Variants in RASGRF2 observed in about 807,000 individuals in gnomAD.
RASGRF2 encodes ras-specific guanine nucleotide-releasing factor 2.
A neutral mutation model predicts 151.0 loss-of-function variants in RASGRF2; 76 were observed. The observed-to-expected ratio is 0.50, with a 90% CI of 0.42 to 0.61. The LOEUF (loss-of-function observed/expected upper bound fraction) is 0.61. RASGRF2 is among the 20% of genes least tolerant of loss of function. The pLI is 0.00. For synonymous variants in RASGRF2, 504 were observed against 566.5 expected (o/e 0.89, Z 1.57); for missense variants, 1,148 against 1,564.6 (o/e 0.73, Z 4.49).
At position 81,172,744 on chromosome 5, in the gene RASGRF2, C is replaced by T. The variant is rs539035719; in HGVS notation, c.2687-7431C>T. On this transcript the variant is annotated intron_variant, in intron 17 of 26. Coordinates refer to ENST00000265080, the MANE Select transcript of RASGRF2 (RefSeq NM_006909.3). Reference sequence around the variant, plus strand: ...GTCAAATGATGAGTTTATAGAAGGCCTATGATGCAGTTTATGTCAGCAAAA... The same window carrying T: ...GTCAAATGATGAGTTTATAGAAGGCTTATGATGCAGTTTATGTCAGCAAAA... Among the ~76,000 whole-genome samples the T allele has an allele frequency of 2.6e-5, 4 of 152,222 alleles. No homozygotes were observed. In the South Asian group the frequency reaches 8.3e-4, roughly 32 times the overall value.
intron 22 of RASGRF2, among the ~76,000 whole-genome samples, chr5:81,212,126 C>A (rs1375361821): frequency 1.3e-5 from 2 of 152,184 alleles, no homozygotes; most frequent in African/African-American, 2.4e-5. Context: ...ATCATCTCTT[C>A]CCTCAACAAG....
chr5:80,995,693 C>CCA (rs58481061), intron 1 of RASGRF2, among the ~76,000 whole-genome samples: 4 of 97,334 alleles, frequency 4.1e-5, no homozygotes, highest in South Asian at 4.4e-4. Context: ...TTCCCCCCCC[C>CCA]TTTTTTTTTT....
intron 1 of RASGRF2, among the ~76,000 whole-genome samples, chr5:80,967,275 C>T (rs1318327285): frequency 6.6e-6 from 1 of 152,142 alleles, no homozygotes; most frequent in Non-Finnish European, 1.5e-5. Flanking sequence ...GTAATCCCAG[C>T]TACTCAGGAG....
intron 1 of RASGRF2, among the ~76,000 whole-genome samples, chr5:81,013,574 A>G (rs887878374): frequency 2.0e-5 from 3 of 151,280 alleles, no homozygotes; most frequent in Admixed American, 1.3e-4. Flanking sequence ...ATAGTTATAT[A>G]TGTTGTCCCA....
At chr5:81,063,069 A>G (rs1751494064) in intron 2 of RASGRF2, among the ~76,000 whole-genome samples, 2 of 151,832 alleles carry the variant, frequency 1.3e-5, no homozygotes, top group Admixed American at 1.3e-4. Flanking sequence ...CATGATTCTC[A>G]CTTCCTTTTG....
chr5:81,087,423 T>G, intron 9 of RASGRF2: 1 of 669,180 alleles, frequency 1.5e-6, no homozygotes, highest in Non-Finnish European at 2.7e-6. Context: ...CCCCACACGA[T>G]ATAATTTGAT....
intron 2 of RASGRF2, among the ~76,000 whole-genome samples, chr5:81,048,870 G>A (rs34109): frequency 0.85 from 129,140 of 151,972 alleles, 55,468 homozygotes; most frequent in Non-Finnish European, 0.92. Flanking sequence ...CTCCTGTCTT[G>A]TAAGAGAAAT....
chr5:81,077,005 A>G (rs367716257), intron 5 of RASGRF2, among the ~76,000 whole-genome samples: 17 of 152,176 alleles, frequency 1.1e-4, no homozygotes, highest in African/African-American at 4.1e-4. Context: ...AGAAAAGAAT[A>G]AGGAAGTTGA....
intron 12 of RASGRF2, among the ~76,000 whole-genome samples, chr5:81,108,791 C>G (rs144932319): frequency 6.6e-6 from 1 of 150,394 alleles, no homozygotes; most frequent in African/African-American, 2.4e-5. Context: ...GTTTTGGTGT[C>G]TGAATACTGA....
chr5:80,969,676 C>A (rs1378314681), intron 1 of RASGRF2, among the ~76,000 whole-genome samples: 9 of 151,644 alleles, frequency 5.9e-5, no homozygotes, highest in Admixed American at 5.9e-4. Flanking sequence ...TGATCTCGAT[C>A]TCCTGACCTC....
intron 24 of RASGRF2, among the ~76,000 whole-genome samples, chr5:81,216,393 A>G (rs1007812123): frequency 2.0e-5 from 3 of 149,992 alleles, no homozygotes; most frequent in African/African-American, 7.4e-5. Context: ...ACAAACACAC[A>G]CACACGCAGA....
intron 2 of RASGRF2, among the ~76,000 whole-genome samples, chr5:81,053,222 C>G (rs1019048357): frequency 2.0e-5 from 3 of 151,058 alleles, no homozygotes; most frequent in African/African-American, 7.3e-5. Flanking sequence ...GTGTGCTGCA[C>G]CCATTAACTC....
At chr5:81,009,645 TA>T (rs1297365797) in intron 1 of RASGRF2, among the ~76,000 whole-genome samples, 2 of 152,216 alleles carry the variant, frequency 1.3e-5, no homozygotes, top group Admixed American at 6.5e-5. Context: ...TTATAAGGAA[TA>T]ATTAAAAACC....
At chr5:80,974,847 G>A (rs1002599057) in intron 1 of RASGRF2, among the ~76,000 whole-genome samples, 3 of 152,098 alleles carry the variant, frequency 2.0e-5, no homozygotes, top group African/African-American at 7.2e-5. Flanking sequence ...AAATCGTAGT[G>A]GTAATTTGAG....
chr5:81,215,956 G>T lies in RASGRF2; in HGVS notation c.3434+1G>T. The T allele has an allele frequency of 6.6e-7, 1 of 1,524,138 alleles. No homozygotes were observed. The highest frequency in any genetic ancestry group is 8.7e-7 in the Non-Finnish European group (1 of 1,145,240). The allele number at this position is 1,524,138 out of a possible 1,614,324, so 94.4% of individuals were successfully genotyped here. On this transcript the variant is annotated splice_donor_variant, in intron 24 of 26. Transcript: ENST00000265080. LOFTEE classifies it high-confidence loss of function. ...AAAATCTTAGAGAAACCCTTAAAAA[G>T]TATGTCTATCTTAATTATTAAATTA...
intron 17 of RASGRF2, among the ~76,000 whole-genome samples, chr5:81,140,455 C>T (rs182208019): frequency 1.0e-3 from 155 of 152,146 alleles, no homozygotes; most frequent in African/African-American, 3.2e-3. Context: ...CATGCACACA[C>T]GCACACTCAC....
chr5:81,090,971 C>G (rs1752373067), intron 9 of RASGRF2, among the ~76,000 whole-genome samples: 1 of 152,282 alleles, frequency 6.6e-6, no homozygotes, highest in African/African-American at 2.4e-5. Flanking sequence ...TCACTCAGCC[C>G]TAAGTCATGG....
At chr5:81,184,472 G>T (rs140541217) in intron 18 of RASGRF2, among the ~76,000 whole-genome samples, 5 of 152,114 alleles carry the variant, frequency 3.3e-5, no homozygotes, top group Admixed American at 6.5e-5. Context: ...CTCAATTACC[G>T]TATTGACCAA....
chr5:81,110,916 T>G (rs1018604500), intron 13 of RASGRF2, among the ~76,000 whole-genome samples: 6 of 152,316 alleles, frequency 3.9e-5, no homozygotes, highest in African/African-American at 1.4e-4. Context: ...GTAATGTAAC[T>G]CAAGCTAACG....
Sources: gnomAD v4.1 joint callset for allele counts (sites outside exome capture counted in the v4.1 genomes callset) on GRCh38, gnomAD v4.1.1 for gene constraint, MANE v1.5 for transcripts, NCBI Gene and HGNC (gene_info 2026-07-23, HGNC 2026-07-21) for gene names.